Variants in PPIL3 observed in about 807,000 individuals in gnomAD.
PPIL3 encodes peptidyl-prolyl cis-trans isomerase-like 3.
In PPIL3, 13 loss-of-function variants were observed where a neutral mutation model predicts 20.9. That is an observed-to-expected ratio of 0.62 (90% CI 0.40 to 0.99). The LOEUF is 0.99. Ranked by LOEUF, PPIL3 falls within the 50% of genes least tolerant of loss-of-function variation. The probability of loss-of-function intolerance (pLI) is 0.00; values close to 1 mark genes in which losing one functional copy is unlikely to be tolerated. For synonymous variants in PPIL3, 71 were observed against 64.4 expected (o/e 1.10, Z -0.49); for missense variants, 170 against 195.2 (o/e 0.87, Z 0.77).
In PPIL3 at chr2:200,884,403, A is replaced by AAAAT. The variant is rs774715913; in HGVS notation, c.78+1291_78+1294dup. ...GGCAACAAGAGCAAAACTCTGTCTC[A>AAAAT]AAATAAATAAATAAATAAATAAAAA... On this transcript the variant is annotated intron_variant, in intron 3 of 6. Transcript: ENST00000392283. Among the ~76,000 whole-genome samples, 106 of 152,182 alleles carry AAAAT rather than the reference A, an allele frequency of 7.0e-4. 1 individual carries two copies. Among genetic ancestry groups the AAAAT allele is most frequent in the Middle Eastern group, 3.4e-3 (1 of 294 alleles).
chr2:200,883,497 C>T (rs1446755740), intron 3 of PPIL3, among the ~76,000 whole-genome samples: 1 of 151,770 alleles, frequency 6.6e-6, no homozygotes, highest in Admixed American at 6.6e-5. Flanking sequence ...CAGCAGCTCA[C>T]ACCTGTAATC....
intron 6 of PPIL3, among the ~76,000 whole-genome samples, chr2:200,873,952 T>C (rs1037039708): frequency 6.6e-6 from 1 of 151,584 alleles, no homozygotes; most frequent in African/African-American, 2.4e-5. Context: ...ACGCCTGTAA[T>C]CTCAGCACTT....
chr2:200,887,477 C>T, intron 2 of PPIL3, 136 bp downstream of exon 2: 2 of 429,268 alleles, frequency 4.7e-6, no homozygotes, highest in Non-Finnish European at 8.2e-6. Context: ...AAGAATTATT[C>T]CATATTAAGT....
chr2:200,887,725 G>T, intron 1 of PPIL3, 40 bp from the exon 2 acceptor site: 1 of 890,712 alleles, frequency 1.1e-6, no homozygotes, highest in Non-Finnish European at 1.7e-6. Flanking sequence ...TCATTTTCCT[G>T]TCTTAACTCA....
At chr2:200,878,447 T>A (rs2039601306) in intron 5 of PPIL3, among the ~76,000 whole-genome samples, 1 of 151,458 alleles carries the variant, frequency 6.6e-6, no homozygotes, top group Non-Finnish European at 1.5e-5. Context: ...TAGAGTGCAG[T>A]GGTGCAATCA....
intron 6 of PPIL3, among the ~76,000 whole-genome samples, chr2:200,872,804 T>A (rs2039359995): frequency 6.6e-6 from 1 of 152,086 alleles, no homozygotes; most frequent in Admixed American, 6.6e-5. Flanking sequence ...AGAAAGTATG[T>A]AGATGACACT....
intron 1 of PPIL3, chr2:200,888,608 C>T (rs1032703437): frequency 9.1e-6 from 2 of 218,852 alleles, no homozygotes; most frequent in African/African-American, 2.3e-5. Flanking sequence ...CAACCTCCGC[C>T]TCCGCCTCCC....
intron 6 of PPIL3, among the ~76,000 whole-genome samples, chr2:200,876,122 TA>T (rs1384894709): frequency 6.8e-6 from 1 of 147,644 alleles, no homozygotes; most frequent in African/African-American, 2.5e-5. Context: ...ACCATGTCTC[TA>T]AAAAAAAAGT....
chr2:200,872,182 T>A (rs1308416584), intron 6 of PPIL3, among the ~76,000 whole-genome samples: 2 of 152,160 alleles, frequency 1.3e-5, no homozygotes, highest in African/African-American at 4.8e-5. Flanking sequence ...GTTCAATAAT[T>A]TTCAAAAATG....
At chr2:200,873,897 G>T (rs903573579) in intron 6 of PPIL3, among the ~76,000 whole-genome samples, 1 of 151,464 alleles carries the variant, frequency 6.6e-6, no homozygotes, top group African/African-American at 2.4e-5. Flanking sequence ...CCACTGGTAT[G>T]TACTTTAAAA....
At chr2:200,885,820 CTT>C (rs770130752) in intron 2 of PPIL3, 48 bp from the exon 3 acceptor site, 2 of 1,145,228 alleles carry the variant, frequency 1.7e-6, no homozygotes, top group Non-Finnish European at 2.6e-6. Flanking sequence ...ATTTAGGTGA[CTT>C]TATGCATTGT....
chr2:200,889,181 T>C (rs567515120), upstream of PPIL3: 22 of 390,464 alleles, frequency 5.6e-5, no homozygotes, highest in East Asian at 5.8e-4. Flanking sequence ...AACCGGAAAT[T>C]TGACAGTGAA....
chr2:200,871,640 T>C (rs1185390152), intron 6 of PPIL3, 119 bp from the exon 7 acceptor site: 3 of 818,150 alleles, frequency 3.7e-6, no homozygotes, highest in Non-Finnish European at 5.5e-6. Context: ...CTGAGTTCTC[T>C]AGTTGAATGT....
intron 5 of PPIL3, among the ~76,000 whole-genome samples, chr2:200,879,206 C>T (rs2039625763): frequency 6.6e-6 from 1 of 152,048 alleles, no homozygotes; most frequent in Non-Finnish European, 1.5e-5. Context: ...GCAAGCACTG[C>T]CTCCCGGGTT....
rs1302118285 is a variant in PPIL3, at chr2:200,888,984, C to T, written c.-99G>A. 2.1e-6 allele frequency: 1 copy of T among 471,190 alleles called. No individual in the cohort carries two copies. Among genetic ancestry groups the T allele is most frequent in the Admixed American group, 2.3e-5 (1 of 42,584 alleles). 29.2% of individuals were successfully genotyped at this position (471,190 alleles called of 1,614,324 possible). A position where few individuals can be genotyped will look rare whatever the true frequency, so the allele number is the denominator to read the frequency against. On this transcript the variant is annotated 5_prime_UTR_variant, in exon 1 of 7. Coordinates refer to ENST00000392283, the MANE Select transcript of PPIL3 (RefSeq NM_130906.3). ...GGCTTCACCACTTCGTCTAGCACAG[C>T]CGTTGTTAAAACAGGAAAAATGCAA...
rs1037478173 is a variant in PPIL3 at position 200,883,594 on chromosome 2, TA to T, written c.79-1160del. Among the ~76,000 whole-genome samples the T allele has an allele frequency of 3.4e-3, 508 of 149,034 alleles. 6 individuals carry two copies. The highest frequency in any genetic ancestry group is 0.012 in the African/African-American group (477 of 40,748). On this transcript the variant is annotated intron_variant, in intron 3 of 6. Coordinates refer to ENST00000392283, the MANE Select transcript of PPIL3 (RefSeq NM_130906.3). ...CATAGTAAGACCTCATCTCTATCTT[TA>T]AAAAAAAAATAAATAAATGAAAATA...
chr2:200,882,638 G>A (rs1260672323), intron 3 of PPIL3, among the ~76,000 whole-genome samples: 1 of 152,128 alleles, frequency 6.6e-6, no homozygotes, highest in African/African-American at 2.4e-5. Flanking sequence ...CGCCGGGCAT[G>A]GTGGCTAACG....
chr2:200,884,624 T>C (rs1257311942), intron 3 of PPIL3, among the ~76,000 whole-genome samples: 3 of 151,178 alleles, frequency 2.0e-5, no homozygotes, highest in African/African-American at 7.3e-5. Context: ...CCTGTAGTCC[T>C]ATCTACTTGG....
intron 6 of PPIL3, among the ~76,000 whole-genome samples, chr2:200,876,098 G>A (rs943438735): frequency 6.6e-6 from 1 of 151,568 alleles, no homozygotes; most frequent in African/African-American, 2.4e-5. Context: ...GACCAGCCTG[G>A]GCAACATAGT....
Sources: gnomAD v4.1 joint callset for allele counts (sites outside exome capture counted in the v4.1 genomes callset) on GRCh38, gnomAD v4.1.1 for gene constraint, MANE v1.5 for transcripts, NCBI Gene and HGNC (gene_info 2026-07-23, HGNC 2026-07-21) for gene names.